COL13A1: variants seen among roughly 807,000 people sequenced by gnomAD.
COL13A1 encodes collagen type XIII alpha 1 chain.
COL13A1 carries 89 observed loss-of-function variants against 130.9 expected under a neutral mutation model. The observed-to-expected ratio is 0.68, with a 90% CI of 0.57 to 0.81. COL13A1 has a LOEUF of 0.81. COL13A1 is among the 30% of genes least tolerant of loss of function. COL13A1 has a pLI of 0.00. For synonymous variants in COL13A1, 402 were observed against 341.6 expected (o/e 1.18, Z -1.95); for missense variants, 879 against 934.6 (o/e 0.94, Z 0.78).
In COL13A1 at chr10:69,863,240, T is replaced by C. The variant is rs181729768; in HGVS notation, c.365-4558T>C. Among the ~76,000 whole-genome samples, 53 of 152,252 alleles carry C rather than the reference T, an allele frequency of 3.5e-4. 1 individual carries two copies. The highest frequency in any genetic ancestry group is 9.4e-4 in the African/African-American group (39 of 41,560). ...CAGACCAGTAGAAACTTCCCAGTCG[T>C]GAAATCAAAATGTCTCCAGACATTG... On this transcript the variant is annotated intron_variant, in intron 2 of 40. Coordinates refer to ENST00000645393, the MANE Select transcript of COL13A1 (RefSeq NM_001368882.1).
At chr10:69,856,101 A>C (rs183634013) in intron 2 of COL13A1, among the ~76,000 whole-genome samples, 69 of 152,348 alleles carry the variant, frequency 4.5e-4, no homozygotes, top group African/African-American at 1.5e-3. Context: ...TTGAGGACCA[A>C]ATGTAGCTCT....
chr10:69,814,412 C>T (rs1843889646), intron 1 of COL13A1, among the ~76,000 whole-genome samples: 1 of 152,202 alleles, frequency 6.6e-6, no homozygotes, highest in Admixed American at 6.5e-5. Context: ...GGGGTCAGGC[C>T]AGCCTTATTA....
At chr10:69,872,033 A>G (rs1035634648) in intron 3 of COL13A1, 151 bp from the exon 4 acceptor site, 9 of 837,826 alleles carry the variant, frequency 1.1e-5, no homozygotes, top group Admixed American at 6.6e-5. Context: ...TATAAGCCTT[A>G]GCGATCAAGG....
At position 69,802,497 on chromosome 10, in the gene COL13A1, CG is replaced by C. The variant is rs1421407425; in HGVS notation, c.76del (p.Val26TrpfsTer23). The C allele has an allele frequency of 2.0e-6, 3 of 1,534,494 alleles. No individual in the cohort carries two copies. The Admixed American group carries it at 6.3e-5, about 32-fold the overall frequency. On this transcript the variant is annotated frameshift_variant, in exon 1 of 41. Coordinates refer to ENST00000645393, the MANE Select transcript of COL13A1 (RefSeq NM_001368882.1). LOFTEE classifies it high-confidence loss of function. ...RGPGELGAPG[T>X]VALVAARAER... is the part of the protein sequence containing the mutation. Reference sequence around the variant, plus strand: ...CCTGGGGAGTTGGGCGCGCCCGGGACGGTGGCTCTGGTGGCGGCGCGGGCGG... The same window carrying C: ...CCTGGGGAGTTGGGCGCGCCCGGGACGTGGCTCTGGTGGCGGCGCGGGCGG...
intron 34 of COL13A1, among the ~76,000 whole-genome samples, chr10:69,938,471 C>T (rs1360963910): frequency 6.6e-6 from 1 of 152,132 alleles, no homozygotes; most frequent in Non-Finnish European, 1.5e-5. Context: ...TCCATCCCAT[C>T]ATTTCACTGA....
intron 1 of COL13A1, among the ~76,000 whole-genome samples, chr10:69,803,693 T>C (rs1443969965): frequency 2.0e-5 from 3 of 151,726 alleles, no homozygotes; most frequent in Non-Finnish European, 4.4e-5. Flanking sequence ...ATATCTTACT[T>C]AGCTGGAGGG....
chr10:69,869,296 C>T (rs1248941273), intron 3 of COL13A1, among the ~76,000 whole-genome samples: 1 of 152,076 alleles, frequency 6.6e-6, no homozygotes, highest in Non-Finnish European at 1.5e-5. Flanking sequence ...TCCCCACATT[C>T]TGAGCCCAGC....
chr10:69,952,588 T>C (rs113802371), intron 38 of COL13A1, among the ~76,000 whole-genome samples: 1 of 152,150 alleles, frequency 6.6e-6, no homozygotes, highest in African/African-American at 2.4e-5. Context: ...CTGGGCTTAG[T>C]ATTAGCAAAA....
At chr10:69,813,999 C>T (rs1046617966) in intron 1 of COL13A1, among the ~76,000 whole-genome samples, 2 of 152,320 alleles carry the variant, frequency 1.3e-5, no homozygotes, top group South Asian at 4.1e-4. Flanking sequence ...GTAAGTAATT[C>T]GGTTGGAGTG....
At chr10:69,892,376 C>T (rs1234373306) in intron 10 of COL13A1, among the ~76,000 whole-genome samples, 1 of 152,180 alleles carries the variant, frequency 6.6e-6, no homozygotes, top group African/African-American at 2.4e-5. Context: ...TCTGCCCCAC[C>T]CCCCCACTTC....
intron 1 of COL13A1, among the ~76,000 whole-genome samples, chr10:69,817,697 G>A (rs749961104): frequency 3.9e-5 from 6 of 152,022 alleles, no homozygotes; most frequent in Non-Finnish European, 7.4e-5. Context: ...GTGCAGACAG[G>A]GGGTGGTGAT....
chr10:69,808,684 G>A (rs949315856), intron 1 of COL13A1, among the ~76,000 whole-genome samples: 1 of 152,198 alleles, frequency 6.6e-6, no homozygotes, highest in African/African-American at 2.4e-5. Flanking sequence ...CACATGACCC[G>A]ATGACAGCGA....
At chr10:69,937,160 C>G (rs1489377358) in intron 33 of COL13A1, among the ~76,000 whole-genome samples, 1 of 152,192 alleles carries the variant, frequency 6.6e-6, no homozygotes, top group Non-Finnish European at 1.5e-5. Context: ...TGGGCTCTCC[C>G]GGCCTCCCCT....
At chr10:69,905,080 T>C in intron 16 of COL13A1, 121 bp downstream of exon 16, 2 of 1,190,896 alleles carry the variant, frequency 1.7e-6, no homozygotes, top group Non-Finnish European at 2.4e-6. Flanking sequence ...GAGAGACAGA[T>C]CAAGCTTGAC....
chr10:69,905,028 C>A (rs2135207783), intron 16 of COL13A1, 69 bp downstream of exon 16: 1 of 1,517,730 alleles, frequency 6.6e-7, no homozygotes, highest in Admixed American at 2.1e-5. Flanking sequence ...GGGGAGGCAG[C>A]ACAGAAGGTG....
Position 69,822,467 on chromosome 10 carries a change from G to A in COL13A1, c.364+29G>A, listed in dbSNP as rs193271706. On this transcript the variant is annotated intron_variant, in intron 2 of 40. Transcript: ENST00000645393. The stretch of plus-strand genomic sequence containing the variant: ...AGCAGCCCTGCAAATAGGTGACCGC[G>A]GATGTTCCTAAGACTGAGACCAGAG... The A allele has an allele frequency of 4.8e-4, 742 of 1,549,862 alleles. 6 individuals are homozygous for A. The African/African-American group carries it at 8.0e-3, about 17-fold the overall frequency.
intron 1 of COL13A1, among the ~76,000 whole-genome samples, chr10:69,809,497 A>G (rs1589146672): frequency 1.3e-5 from 2 of 152,312 alleles, no homozygotes; most frequent in South Asian, 4.1e-4. Flanking sequence ...TACAGAAGAG[A>G]GAATAGAGGC....
chr10:69,946,978 C>T (rs773028834), intron 37 of COL13A1, among the ~76,000 whole-genome samples: 30 of 152,062 alleles, frequency 2.0e-4, no homozygotes, highest in Admixed American at 2.0e-4. Flanking sequence ...TTCATAGAGA[C>T]GGGCTTTCAC....
chr10:69,860,287 A>G (rs1399122772), intron 2 of COL13A1, among the ~76,000 whole-genome samples: 1 of 152,210 alleles, frequency 6.6e-6, no homozygotes, highest in Non-Finnish European at 1.5e-5. Flanking sequence ...AAGGTCAGGG[A>G]CAGCGGGTGA....
Sources: gnomAD v4.1 joint callset for allele counts (sites outside exome capture counted in the v4.1 genomes callset) on GRCh38, gnomAD v4.1.1 for gene constraint, MANE v1.5 for transcripts, NCBI Gene and HGNC (gene_info 2026-07-23, HGNC 2026-07-21) for gene names.